The following GABRB3 variants were observed in gnomAD, a reference collection of about 807,000 sequenced individuals.
GABRB3 encodes the protein gamma-aminobutyric acid receptor subunit beta-3.
Under a neutral mutation model 52.1 loss-of-function variants are expected in GABRB3, and 14 were observed. The observed-to-expected ratio is 0.27, with a 90% CI of 0.18 to 0.42. GABRB3 has a LOEUF of 0.42. Ranked by LOEUF, GABRB3 falls within the 10% of genes least tolerant of loss-of-function variation. GABRB3 has a pLI of 1.00. For synonymous variants in GABRB3, 260 were observed against 232.3 expected, an observed-to-expected ratio of 1.12 and a Z score of -1.08; for missense variants, 307 against 609.1, an observed-to-expected ratio of 0.50 and a Z score of 5.22.
intron 4 of GABRB3, among the ~76,000 whole-genome samples, chr15:26,599,969 TATAG>T (rs1198346860): frequency 2.0e-5 from 3 of 151,602 alleles, no homozygotes; most frequent in African/African-American, 4.8e-5. Context: ...ACTAAAACAA[TATAG>T]AGAGATAAAA....
chr15:26,579,218 A>G (rs1890700662), intron 6 of GABRB3, among the ~76,000 whole-genome samples: 2 of 152,228 alleles, frequency 1.3e-5, no homozygotes, highest in Admixed American at 1.3e-4. Flanking sequence ...TGAACCACGC[A>G]TGACTGACGC....
intron 3 of GABRB3, chr15:26,716,545 A>G: frequency 1.0e-6 from 1 of 976,222 alleles, no homozygotes; most frequent in Non-Finnish European, 1.2e-6. Flanking sequence ...AGCAGGTCAA[A>G]CCCATAAACC....
At chr15:26,706,210 G>A (rs368017306) in intron 3 of GABRB3, among the ~76,000 whole-genome samples, 15 of 152,042 alleles carry the variant, frequency 9.9e-5, no homozygotes, top group African/African-American at 3.1e-4. Flanking sequence ...GAAACTCAAC[G>A]GGGTCCCAGC....
intron 3 of GABRB3, among the ~76,000 whole-genome samples, chr15:26,738,981 T>C (rs1595560256): frequency 6.6e-6 from 1 of 152,332 alleles, no homozygotes; most frequent in East Asian, 1.9e-4. Flanking sequence ...TGCAGTTTTC[T>C]TTCCTAACAA....
chr15:26,754,425 T>G (rs762396179), intron 3 of GABRB3, among the ~76,000 whole-genome samples: 149 of 152,318 alleles, frequency 9.8e-4, no homozygotes, highest in Non-Finnish European at 1.2e-3. Flanking sequence ...GCTGCTTTTC[T>G]GGGCATGCTG....
intron 4 of GABRB3, chr15:26,615,727 G>A (rs1892229370): frequency 9.1e-7 from 1 of 1,095,598 alleles, no homozygotes; most frequent in Non-Finnish European, 1.1e-6. Flanking sequence ...CATAATGGCT[G>A]GGCATGAATA....
intron 4 of GABRB3, among the ~76,000 whole-genome samples, chr15:26,619,828 T>A (rs1892408229): frequency 6.6e-6 from 1 of 151,670 alleles, no homozygotes; most frequent in South Asian, 2.1e-4. Context: ...TGCACACACC[T>A]ACAACACACA....
chr15:26,575,673 A>G (rs1276262842), intron 6 of GABRB3, among the ~76,000 whole-genome samples: 1 of 152,178 alleles, frequency 6.6e-6, no homozygotes, highest in Non-Finnish European at 1.5e-5. Context: ...TTTTAAAAAA[A>G]TTTATAATTT....
chr15:26,584,352 G>T (rs1890901442), intron 4 of GABRB3, among the ~76,000 whole-genome samples: 1 of 152,142 alleles, frequency 6.6e-6, no homozygotes, highest in African/African-American at 2.4e-5. Context: ...GGTTAAGACT[G>T]AGGTCTTTGA....
At chr15:26,554,684 G>T (rs1889687149) in intron 8 of GABRB3, among the ~76,000 whole-genome samples, 2 of 152,192 alleles carry the variant, frequency 1.3e-5, no homozygotes, top group Non-Finnish European at 1.5e-5. Context: ...TCCGCGTCAT[G>T]GGTGTGCATA....
At chr15:26,615,019 A>G (rs943542016) in intron 4 of GABRB3, 1 of 152,350 alleles carries the variant, frequency 6.6e-6, no homozygotes, top group East Asian at 1.9e-4. Flanking sequence ...GAGAAATGAT[A>G]AGAAGATACA....
chr15:26,744,431 A>C (rs8034506), intron 3 of GABRB3, among the ~76,000 whole-genome samples: 51 of 142,262 alleles, frequency 3.6e-4, no homozygotes, highest in South Asian at 1.8e-3. Flanking sequence ...ATAACAGAAA[A>C]CTTTTTTTTT....
At chr15:26,694,834 G>A (rs771270507) in intron 3 of GABRB3, among the ~76,000 whole-genome samples, 3 of 152,114 alleles carry the variant, frequency 2.0e-5, no homozygotes, top group African/African-American at 7.2e-5. Flanking sequence ...AGAACAGATG[G>A]GTTATGTAAG....
At chr15:26,641,133 G>A (rs1275480483) in intron 3 of GABRB3, among the ~76,000 whole-genome samples, 1 of 152,104 alleles carries the variant, frequency 6.6e-6, no homozygotes, top group Non-Finnish European at 1.5e-5. Context: ...GAGGAGTGGC[G>A]AACATCTATG....
chr15:26,772,411 T>C lies in GABRB3; in HGVS notation c.231A>G (p.Glu77=), dbSNP rs151221282. 66 of 1,609,668 alleles carry C rather than the reference T, an allele frequency of 4.1e-5. No homozygotes were observed. The African/African-American group carries it at 8.3e-4, about 20-fold the overall frequency. Residue 77 remains glutamate (E), a synonymous_variant, in exon 3 of 9, where the codon GAA becomes GAG. Transcript: ENST00000311550. The stretch of plus-strand genomic sequence containing the variant: ...GAGGGCGGGCACTCACCATGTTGAC[T>C]TCGGAAACCATGTCGATGCTGGCGA... ...IDIASIDMVS[E]VNMDYTLTMY...
At chr15:26,699,270 C>T (rs1443499378) in intron 3 of GABRB3, among the ~76,000 whole-genome samples, 1 of 152,112 alleles carries the variant, frequency 6.6e-6, no homozygotes, top group African/African-American at 2.4e-5. Context: ...GGCAATGCTC[C>T]AGTATTGCTT....
intron 8 of GABRB3, among the ~76,000 whole-genome samples, chr15:26,554,157 TAA>T (rs1404021458): frequency 5.6e-5 from 2 of 35,726 alleles, no homozygotes; most frequent in South Asian, 1.1e-3. Context: ...TATATATATA[TAA>T]AGTATATATA....
At chr15:26,689,221 G>A (rs891579395) in intron 3 of GABRB3, among the ~76,000 whole-genome samples, 1 of 152,188 alleles carries the variant, frequency 6.6e-6, no homozygotes, top group African/African-American at 2.4e-5. Flanking sequence ...ACTTGCCCTG[G>A]TGACTCAGAT....
At chr15:26,603,773 C>T (rs1321150365) in intron 4 of GABRB3, among the ~76,000 whole-genome samples, 3 of 151,870 alleles carry the variant, frequency 2.0e-5, no homozygotes. Context: ...AGGAACATAC[C>T]TGAACATAAG....
Sources: allele counts gnomAD v4.1 joint callset (sites outside exome capture counted in the v4.1 genomes callset), GRCh38; gene constraint gnomAD v4.1.1; transcripts MANE v1.5; gene names NCBI Gene and HGNC (gene_info 2026-07-23, HGNC 2026-07-21).